Variants in TEC observed in about 807,000 individuals in gnomAD.
The protein encoded by TEC is tyrosine-protein kinase Tec.
Under a neutral mutation model 93.0 loss-of-function variants are expected in TEC, and 72 were observed. The observed-to-expected ratio is 0.77, with a 90% CI of 0.64 to 0.94. TEC has a LOEUF of 0.94. Ranked by LOEUF, TEC falls within the 40% of genes least tolerant of loss-of-function variation. The probability of loss-of-function intolerance (pLI) is 0.00; values close to 1 mark genes in which losing one functional copy is unlikely to be tolerated. For missense variants in TEC, 630 were observed against 757.9 expected, an observed-to-expected ratio of 0.83 and a Z score of 1.98; for synonymous variants, 249 against 247.7, an observed-to-expected ratio of 1.01 and a Z score of -0.05.
chr4:48,203,258 G>A (rs1973578), intron 2 of TEC, among the ~76,000 whole-genome samples: 13,686 of 152,124 alleles, frequency 0.09, 692 homozygotes, highest in South Asian at 0.18. Context: ...CCAGCTACTG[G>A]GGAGGCTGAG....
intron 2 of TEC, among the ~76,000 whole-genome samples, chr4:48,216,276 T>C (rs1313149187): frequency 6.6e-6 from 1 of 151,430 alleles, no homozygotes; most frequent in Non-Finnish European, 1.5e-5. Flanking sequence ...TGTATACAGG[T>C]CTATACTCTT....
Position 48,196,059 on chromosome 4 carries a change from A to G in TEC, c.139-19873T>C, listed in dbSNP as rs57046762. On this transcript the variant is annotated intron_variant, in intron 2 of 17. Coordinates refer to ENST00000381501, the MANE Select transcript of TEC (RefSeq NM_003215.3). ...GCACCTATGCAGCAACCAGTCTTGG[A>G]AGGTGTGATGGTTAACTTTAGGTAT... 6.9e-3 allele frequency among the ~76,000 whole-genome samples: 1,054 copies of G among 152,258 alleles called. 12 individuals carry two copies. Among genetic ancestry groups the G allele is most frequent in the African/African-American group, 0.024 (993 of 41,540 alleles).
intron 1 of TEC, among the ~76,000 whole-genome samples, chr4:48,267,805 G>C (rs977321216): frequency 6.6e-6 from 1 of 152,152 alleles, no homozygotes; most frequent in Non-Finnish European, 1.5e-5. Flanking sequence ...ACAACATGGT[G>C]ATTTGTCTAG....
chr4:48,212,110 A>AATATATATAT (rs1553892127), intron 2 of TEC, among the ~76,000 whole-genome samples: 13 of 122,240 alleles, frequency 1.1e-4, no homozygotes, highest in Admixed American at 5.0e-4. Flanking sequence ...AAAAAAAAAA[A>AATATATATAT]ATATATATAT....
intron 2 of TEC, among the ~76,000 whole-genome samples, chr4:48,221,233 T>C (rs1425367278): frequency 6.6e-6 from 1 of 152,198 alleles, no homozygotes. Flanking sequence ...CACCCAAATA[T>C]CATCTTGAAT....
chr4:48,246,688 G>A (rs960345242), intron 1 of TEC, among the ~76,000 whole-genome samples: 2 of 152,074 alleles, frequency 1.3e-5, no homozygotes, highest in African/African-American at 4.8e-5. Context: ...TTTCAACAAT[G>A]GTATAGGGAT....
At chr4:48,167,673 G>A in intron 7 of TEC, 105 bp downstream of exon 7, 2 of 1,044,956 alleles carry the variant, frequency 1.9e-6, no homozygotes, top group South Asian at 3.1e-5. Context: ...TTTATGGCTG[G>A]TGAAATTAGT....
intron 1 of TEC, among the ~76,000 whole-genome samples, chr4:48,231,958 G>C (rs1723658857): frequency 1.3e-5 from 2 of 152,064 alleles, no homozygotes; most frequent in African/African-American, 4.8e-5. Context: ...ATCAGGGGCA[G>C]AAAAAACATT....
chr4:48,250,493 T>C lies in TEC; in HGVS notation c.-46+19259A>G, dbSNP rs1356518688. On this transcript the variant is annotated intron_variant, in intron 1 of 17. Coordinates refer to ENST00000381501, the MANE Select transcript of TEC (RefSeq NM_003215.3). ...CTATGGATATACCTATGTAACTTAC[T>C]TTGACCAATGGGACAGTAGCAAACT... Among the ~76,000 whole-genome samples, 7 of 152,338 alleles carry C rather than the reference T, an allele frequency of 4.6e-5. No homozygotes were observed. In the East Asian group the frequency reaches 9.6e-4, roughly 21 times the overall value.
chr4:48,192,946 G>C (rs972913279), intron 2 of TEC, among the ~76,000 whole-genome samples: 3 of 152,174 alleles, frequency 2.0e-5, no homozygotes, highest in African/African-American at 7.2e-5. Flanking sequence ...CAAAGGCACA[G>C]CTACTCCCTC....
At chr4:48,229,040 G>C (rs1577658122) in intron 1 of TEC, among the ~76,000 whole-genome samples, 1 of 152,278 alleles carries the variant, frequency 6.6e-6, no homozygotes. Context: ...CATTTGAATT[G>C]CTTCAGGATC....
chr4:48,152,293 C>A lies in TEC; in HGVS notation c.793-1351G>T, dbSNP rs555569921. On this transcript the variant is annotated intron_variant, in intron 9 of 17. Transcript: ENST00000381501. ...ATACCCCATCTTTACTAAAAATTAG[C>A]CAGGCGTGGTGGTGCGCGCCTGTAA... Among the ~76,000 whole-genome samples, 11 of 152,044 alleles carry A rather than the reference C, an allele frequency of 7.2e-5. No individual in the cohort carries two copies. In the South Asian group the frequency reaches 2.1e-3, roughly 29 times the overall value.
intron 1 of TEC, among the ~76,000 whole-genome samples, chr4:48,253,110 AAC>A (rs143548410): frequency 0.026 from 4,011 of 152,280 alleles, 173 homozygotes; most frequent in African/African-American, 0.09. Flanking sequence ...TAGTCTATAA[AAC>A]ACAGATTGGG....
intron 2 of TEC, among the ~76,000 whole-genome samples, chr4:48,179,346 A>ATC (rs1721465554): frequency 7.8e-5 from 2 of 25,502 alleles, no homozygotes; most frequent in African/African-American, 3.7e-4. Flanking sequence ...TAGTATATAT[A>ATC]TATATATATA....
intron 10 of TEC, among the ~76,000 whole-genome samples, chr4:48,150,390 G>A (rs766680886): frequency 5.9e-5 from 9 of 152,224 alleles, no homozygotes; most frequent in African/African-American, 2.2e-4. Context: ...TCTCAGCCTG[G>A]ATATCACTTG....
At chr4:48,164,963 A>C (rs903448080) in intron 7 of TEC, among the ~76,000 whole-genome samples, 4 of 152,180 alleles carry the variant, frequency 2.6e-5, no homozygotes, top group African/African-American at 9.7e-5. Context: ...AGATCACGCC[A>C]CTGCACTCCA....
At chr4:48,171,220 T>TA in intron 4 of TEC, 148 bp downstream of exon 4, 1 of 651,706 alleles carries the variant, frequency 1.5e-6, no homozygotes. Flanking sequence ...TGGTATAACT[T>TA]ACAACAACAG....
chr4:48,158,776 T>C (rs1427607568), intron 8 of TEC, among the ~76,000 whole-genome samples: 1 of 152,178 alleles, frequency 6.6e-6, no homozygotes, highest in Non-Finnish European at 1.5e-5. Context: ...CCTCATCTAC[T>C]GTTTCCAGCT....
At chr4:48,179,376 A>ATTTTTTTTTTT (rs1159156668) in intron 2 of TEC, among the ~76,000 whole-genome samples, 1 of 21,164 alleles carries the variant, frequency 4.7e-5, no homozygotes, top group African/African-American at 1.7e-4. Flanking sequence ...ATATATATAT[A>ATTTTTTTTTTT]TTTTTTTTTT....
Sources: gnomAD v4.1 joint callset for allele counts (sites outside exome capture counted in the v4.1 genomes callset) on GRCh38, gnomAD v4.1.1 for gene constraint, MANE v1.5 for transcripts, NCBI Gene and HGNC (gene_info 2026-07-23, HGNC 2026-07-21) for gene names.